Variants in CAST observed in about 807,000 individuals in gnomAD.
CAST encodes calpastatin.
A neutral mutation model predicts 119.6 loss-of-function variants in CAST; 76 were observed. The ratio of observed to expected loss-of-function variants is 0.64; its 90% CI spans 0.53 to 0.77. The LOEUF (loss-of-function observed/expected upper bound fraction) is 0.77, where lower values mean the gene tolerates loss of function less well. Among genes scored for constraint, CAST ranks in the 30% least tolerant of loss-of-function variants. CAST has a pLI of 0.00. For synonymous variants in CAST, 319 were observed against 331.6 expected, an observed-to-expected ratio of 0.96 and a Z score of 0.41; for missense variants, 953 against 946.5, an observed-to-expected ratio of 1.01 and a Z score of -0.09.
the CAST span, among the ~76,000 whole-genome samples, chr5:96,351,952 CA>C: frequency 1.3e-5 from 2 of 152,060 alleles, no homozygotes; most frequent in Admixed American, 6.6e-5. Flanking sequence ...TTGCAGAGAC[CA>C]AAATAACTGT....
chr5:96,416,298 A>G, the CAST span, among the ~76,000 whole-genome samples: 2 of 152,242 alleles, frequency 1.3e-5, no homozygotes, highest in South Asian at 2.1e-4. Context: ...GGGCACAAGT[A>G]TTAGAGACAA....
chr5:96,003,924 T>A, the CAST span, among the ~76,000 whole-genome samples: 30 of 152,340 alleles, frequency 2.0e-4, no homozygotes, highest in Non-Finnish European at 4.0e-4. Flanking sequence ...GCGTTTTAAA[T>A]AGCAAGTCCA....
intron 2 of CAST, among the ~76,000 whole-genome samples, chr5:96,684,360 G>A (rs1751798445): frequency 6.6e-6 from 1 of 152,114 alleles, no homozygotes; most frequent in African/African-American, 2.4e-5. Context: ...GGCAATAAAG[G>A]TGAGTCTCGT....
At chr5:96,433,066 G>C in the CAST span, 13 of 1,609,780 alleles carry the variant, frequency 8.1e-6, no homozygotes, top group African/African-American at 1.3e-5. Context: ...GCTTGAACAA[G>C]AGTGGGAAGG....
the CAST span, among the ~76,000 whole-genome samples, chr5:96,279,971 C>G: frequency 1.3e-5 from 2 of 152,204 alleles, no homozygotes; most frequent in South Asian, 4.1e-4. Flanking sequence ...CCTTTAGCGC[C>G]AGACAACAGG....
chr5:95,972,967 T>C, the CAST span: 1 of 152,256 alleles, frequency 6.6e-6, no homozygotes, highest in East Asian at 1.9e-4. Flanking sequence ...ATAAGATACT[T>C]ATGGAGGTTT....
intron 1 of CAST, among the ~76,000 whole-genome samples, chr5:96,600,544 A>T (rs78082822): frequency 6.6e-6 from 1 of 152,208 alleles, no homozygotes; most frequent in African/African-American, 2.4e-5. Context: ...AGAGAAAAAC[A>T]GTTCCCTGGT....
At chr5:96,124,778 A>T in the CAST span, among the ~76,000 whole-genome samples, 1 of 152,198 alleles carries the variant, frequency 6.6e-6, no homozygotes. Flanking sequence ...TAAATGTTAG[A>T]TAAGTTAGTA....
intron 1 of CAST, among the ~76,000 whole-genome samples, chr5:96,672,934 G>A (rs1750291028): frequency 6.6e-6 from 1 of 152,070 alleles, no homozygotes; most frequent in Non-Finnish European, 1.5e-5. Context: ...GGGAGAAAAG[G>A]CTGTACATGC....
the CAST span, among the ~76,000 whole-genome samples, chr5:96,508,766 T>C: frequency 6.6e-6 from 1 of 152,186 alleles, no homozygotes; most frequent in Admixed American, 6.5e-5. Context: ...CCACCTTTGT[T>C]TCTTCCTGGG....
chr5:96,624,927 C>T (rs1747690070), intron 1 of CAST, among the ~76,000 whole-genome samples: 2 of 152,154 alleles, frequency 1.3e-5, no homozygotes, highest in South Asian at 4.1e-4. Flanking sequence ...TCCATGGCAA[C>T]ACGTGGATTC....
At chr5:96,170,950 G>C in the CAST span, among the ~76,000 whole-genome samples, 1 of 152,116 alleles carries the variant, frequency 6.6e-6, no homozygotes, top group Non-Finnish European at 1.5e-5. Flanking sequence ...AACCTGGCTC[G>C]GCCTGGCGAG....
chr5:96,081,456 G>A, the CAST span, among the ~76,000 whole-genome samples: 2 of 152,352 alleles, frequency 1.3e-5, no homozygotes, highest in Middle Eastern at 6.8e-3. Context: ...GTGGGAAAGG[G>A]AAGAGGATAA....
chr5:96,368,263 G>A, the CAST span, among the ~76,000 whole-genome samples: 2 of 151,856 alleles, frequency 1.3e-5, no homozygotes, highest in African/African-American at 4.8e-5. Context: ...ACTTTGGGTG[G>A]CCAATGCGGG....
chr5:96,190,785 A>G, the CAST span, among the ~76,000 whole-genome samples: 1 of 152,124 alleles, frequency 6.6e-6, no homozygotes, highest in East Asian at 1.9e-4. Context: ...TTACTTAAGT[A>G]TATTGCATGA....
intron 15 of CAST, 51 bp from the exon 16 acceptor site, chr5:96,742,604 C>G (rs777283481): frequency 1.8e-6 from 2 of 1,136,992 alleles, no homozygotes; most frequent in South Asian, 2.5e-5. Context: ...ATGGATTGTT[C>G]GGGCTCCAGA....
chr5:95,961,548 G>T, the CAST span: 375 of 1,552,956 alleles, frequency 2.4e-4, no homozygotes, highest in African/African-American at 4.6e-3. Flanking sequence ...GCCTCTCTGA[G>T]CCCAGCCTGC....
intron 1 of CAST, among the ~76,000 whole-genome samples, chr5:96,539,826 C>T (rs1195060445): frequency 2.6e-5 from 4 of 152,066 alleles, no homozygotes; most frequent in Non-Finnish European, 4.4e-5. Context: ...GTATTTACAC[C>T]GTTTACATTT....
At chr5:96,079,578 T>C in the CAST span, among the ~76,000 whole-genome samples, 320 of 152,318 alleles carry the variant, frequency 2.1e-3, 5 homozygotes, top group Admixed American at 3.2e-3. Flanking sequence ...AAAAAAGATA[T>C]ACAATGAAAA....
Sources: allele counts gnomAD v4.1 joint callset (sites outside exome capture counted in the v4.1 genomes callset), GRCh38; gene constraint gnomAD v4.1.1; transcripts MANE v1.5; gene names NCBI Gene and HGNC (gene_info 2026-07-23, HGNC 2026-07-21).